HAT1: variants seen among roughly 807,000 people sequenced by gnomAD.
HAT1 encodes the protein histone acetyltransferase 1.
HAT1 carries 20 observed loss-of-function variants against 56.6 expected under a neutral mutation model. The observed-to-expected ratio is 0.35, with a 90% CI of 0.25 to 0.51. HAT1 has a LOEUF of 0.51. HAT1 is among the 20% of genes least tolerant of loss of function. The pLI is 0.95. For synonymous variants in HAT1, 146 were observed against 165.5 expected (o/e 0.88, Z 0.91); for missense variants, 408 against 504.3 (o/e 0.81, Z 1.83).
intron 2 of HAT1, among the ~76,000 whole-genome samples, chr2:171,943,067 A>G (rs965089313): frequency 7.0e-5 from 3 of 42,990 alleles, no homozygotes; most frequent in Admixed American, 8.6e-4. Flanking sequence ...GTCTGGACAT[A>G]TTTGAGTTTT....
At chr2:171,959,590 A>G (rs1396144764) in intron 4 of HAT1, among the ~76,000 whole-genome samples, 1 of 152,148 alleles carries the variant, frequency 6.6e-6, no homozygotes, top group Admixed American at 6.6e-5. Context: ...GATCATTTAT[A>G]TTGCGTATTC....
chr2:171,936,634 C>T (rs772370367), intron 2 of HAT1, among the ~76,000 whole-genome samples: 2 of 152,066 alleles, frequency 1.3e-5, no homozygotes, highest in Admixed American at 6.5e-5. Context: ...ATTATGGCAT[C>T]TCTAGGGAAT....
At chr2:171,965,089 CTTA>C (rs1412850846) in intron 4 of HAT1, 1 of 412,776 alleles carries the variant, frequency 2.4e-6, no homozygotes, top group Non-Finnish European at 4.3e-6. Context: ...TAGCATTGCC[CTTA>C]TTATTGTACT....
chr2:171,982,066 G>A (rs1372174299), intron 10 of HAT1, among the ~76,000 whole-genome samples: 2 of 152,196 alleles, frequency 1.3e-5, no homozygotes, highest in African/African-American at 2.4e-5. Flanking sequence ...AGTACAAATA[G>A]TAGTCACACA....
intron 4 of HAT1, among the ~76,000 whole-genome samples, chr2:171,959,116 T>G (rs944317240): frequency 7.2e-5 from 11 of 152,234 alleles, no homozygotes; most frequent in African/African-American, 2.4e-4. Context: ...CTTTTGAAAT[T>G]GTGCAGATAC....
intron 2 of HAT1, among the ~76,000 whole-genome samples, chr2:171,928,792 G>A (rs1212180205): frequency 6.6e-6 from 1 of 152,208 alleles, no homozygotes; most frequent in Non-Finnish European, 1.5e-5. Context: ...ACAGGCGTGA[G>A]CCACCGTGCC....
chr2:171,953,626 TAAAAAAAAAAAAAAAAA>T (rs587686867), intron 4 of HAT1, among the ~76,000 whole-genome samples: 1 of 84,630 alleles, frequency 1.2e-5, no homozygotes. Flanking sequence ...CCCTGTCTCT[TAAAAAAAAAAAAAAAAA>T]AAAAAAAAAA....
chr2:171,943,694 C>T lies in HAT1; in HGVS notation c.113-3014C>T, dbSNP rs917476808. On this transcript the variant is annotated intron_variant, in intron 2 of 10. Transcript: ENST00000264108. ...TAGGTATCTAAACATCATGACACTT[C>T]CCTATAGTATATCTCCTAATATATG... is the stretch of plus-strand genomic sequence containing the variant. 3.4e-5 allele frequency among the ~76,000 whole-genome samples: 5 copies of T among 147,194 alleles called. No individual in the cohort carries two copies. In the Admixed American group the frequency reaches 3.5e-4, roughly 10 times the overall value.
intron 3 of HAT1, among the ~76,000 whole-genome samples, chr2:171,949,837 A>G (rs567233896): frequency 7.2e-5 from 11 of 152,232 alleles, no homozygotes; most frequent in African/African-American, 2.4e-4. Flanking sequence ...GCTATGTACA[A>G]TCTGTTACTG....
intron 2 of HAT1, among the ~76,000 whole-genome samples, chr2:171,933,715 G>C (rs991352948): frequency 1.3e-5 from 2 of 152,060 alleles, no homozygotes; most frequent in African/African-American, 4.8e-5. Context: ...TTTTCTAGCT[G>C]TCTTATTGTC....
chr2:171,978,668 G>A (rs1688050657), intron 9 of HAT1, among the ~76,000 whole-genome samples: 2 of 152,126 alleles, frequency 1.3e-5, no homozygotes, highest in Admixed American at 1.3e-4. Flanking sequence ...TTTTTTATGT[G>A]ATGTAATAAC....
chr2:171,963,789 TTCA>T (rs1450203541), intron 4 of HAT1, among the ~76,000 whole-genome samples: 3 of 152,150 alleles, frequency 2.0e-5, no homozygotes, highest in Non-Finnish European at 4.4e-5. Context: ...CGATGGCCTC[TTCA>T]TGTTAGCAAT....
chr2:171,966,716 T>TGG, intron 7 of HAT1, 127 bp from the exon 8 acceptor site: 1 of 632,366 alleles, frequency 1.6e-6, no homozygotes, highest in African/African-American at 1.8e-5. Context: ...AATTTTTGGG[T>TGG]ATCTCAAAGG....
chr2:171,955,900 C>T (rs1687429257), intron 4 of HAT1, among the ~76,000 whole-genome samples: 1 of 151,852 alleles, frequency 6.6e-6, no homozygotes. Context: ...CAAAAATTAG[C>T]CCGGCATGGT....
intron 8 of HAT1, among the ~76,000 whole-genome samples, chr2:171,975,396 TGCCTG>T (rs1687933750): frequency 1.3e-5 from 2 of 152,258 alleles, no homozygotes; most frequent in South Asian, 4.1e-4. Context: ...TGAGCCACTG[TGCCTG>T]GCCTGTTTCC....
intron 4 of HAT1, among the ~76,000 whole-genome samples, chr2:171,960,644 C>G (rs1687550076): frequency 1.3e-5 from 2 of 152,116 alleles, no homozygotes; most frequent in Non-Finnish European, 2.9e-5. Context: ...TTAAAGGAAA[C>G]ATAATTCTGA....
intron 8 of HAT1, among the ~76,000 whole-genome samples, chr2:171,973,400 CA>C (rs67088559): frequency 6.4e-4 from 86 of 133,580 alleles, no homozygotes; most frequent in East Asian, 8.5e-4. Flanking sequence ...CCAATTTCTG[CA>C]AAAAAAAAAA....
At chr2:171,942,193 C>T (rs553073648) in intron 2 of HAT1, among the ~76,000 whole-genome samples, 36 of 152,338 alleles carry the variant, frequency 2.4e-4, no homozygotes, top group African/African-American at 8.2e-4. Context: ...GCATGAGCCA[C>T]TGTGCCCAGC....
chr2:171,973,787 C>G (rs547203285), intron 8 of HAT1, among the ~76,000 whole-genome samples: 1 of 152,224 alleles, frequency 6.6e-6, no homozygotes, highest in African/African-American at 2.4e-5. Flanking sequence ...TCCCCTCATC[C>G]CCAGGGAAAT....
Sources: gnomAD v4.1 joint callset for allele counts (sites outside exome capture counted in the v4.1 genomes callset) on GRCh38, gnomAD v4.1.1 for gene constraint, MANE v1.5 for transcripts, NCBI Gene and HGNC (gene_info 2026-07-23, HGNC 2026-07-21) for gene names.